EPHX1: variants seen among roughly 807,000 people sequenced by gnomAD.
EPHX1 encodes the protein epoxide hydratase.
In EPHX1, 40 loss-of-function variants were observed where a neutral mutation model predicts 43.2. That is an observed-to-expected ratio of 0.93 (90% CI 0.72 to 1.21). The LOEUF (loss-of-function observed/expected upper bound fraction) is 1.21. Ranked by LOEUF, EPHX1 falls within the 50% of genes most tolerant of loss-of-function variation. The probability of loss-of-function intolerance (pLI) is 0.00; values close to 1 mark genes in which losing one functional copy is unlikely to be tolerated. For synonymous variants in EPHX1, 221 were observed against 226.7 expected (o/e 0.98, Z 0.22); for missense variants, 550 against 570.4 (o/e 0.96, Z 0.36).
chr1:225,838,633 G>A (rs766886087), intron 3 of EPHX1, 21 bp from the exon 4 acceptor site: 2 of 1,607,802 alleles, frequency 1.2e-6, no homozygotes, highest in Non-Finnish European at 1.7e-6. Context: ...CCTCCACCCT[G>A]ACTGTGCTCT....
At chr1:225,834,133 G>GCCAC (rs1667821711) in intron 3 of EPHX1, among the ~76,000 whole-genome samples, 1 of 147,322 alleles carries the variant, frequency 6.8e-6, no homozygotes, top group Non-Finnish European at 1.5e-5. Context: ...AAAGCCGGGT[G>GCCAC]CGGTGGCTCA....
At chr1:225,823,772 T>C (rs1357608632) in intron 1 of EPHX1, among the ~76,000 whole-genome samples, 4 of 147,356 alleles carry the variant, frequency 2.7e-5, no homozygotes, top group Non-Finnish European at 6.1e-5. Context: ...TGAGCAGTCC[T>C]TCTCACTCTG....
Position 225,839,979 on chromosome 1 carries a change from C to G in EPHX1, c.873C>G (p.Tyr291Ter). ...LLYPVKEKVFYSLMRESGYMH... is the reference protein window; with the variant it reads ...LLYPVKEKVF Reference sequence around the variant, plus strand: ...ACCCCGTCAAGGAGAAGGTATTCTACAGCCTGATGAGGGAGAGCGGCTACA... The same window carrying G: ...ACCCCGTCAAGGAGAAGGTATTCTAGAGCCTGATGAGGGAGAGCGGCTACA... Residue 291 changes from tyrosine to a stop codon, truncating the protein, a stop_gained, in exon 6 of 9, where the codon TAC becomes TAG. Transcript: ENST00000272167. LOFTEE classifies it high-confidence loss of function. The G allele has an allele frequency of 6.2e-7, 1 of 1,614,210 alleles. No homozygotes were observed. The highest frequency in any genetic ancestry group is 2.2e-5 in the East Asian group (1 of 44,880).
intron 2 of EPHX1, among the ~76,000 whole-genome samples, chr1:225,829,211 C>G (rs1457664344): frequency 1.3e-5 from 2 of 152,172 alleles, no homozygotes; most frequent in Non-Finnish European, 2.9e-5. Flanking sequence ...ATCACCTCCT[C>G]TATGCCCTGC....
In EPHX1 at chr1:225,831,560, GAAA is replaced by G. The variant is rs757569759; in HGVS notation, c.184-215_184-213del. Among the ~76,000 whole-genome samples the G allele has an allele frequency of 1.9e-4, 14 of 75,474 alleles. No homozygotes were observed. In the East Asian group the frequency reaches 2.8e-3, roughly 15 times the overall value. 49.5% of individuals were successfully genotyped at this position (75,474 alleles called of 152,430 possible). On this transcript the variant is annotated intron_variant, in intron 2 of 8. Transcript: ENST00000272167. ...AGACCCTATCTCAAAAAAAAAAAAA[GAAA>G]AAAGAAAAAAGAAATGCGAAGTCTA...
At chr1:225,832,250 T>C (rs906736900) in intron 3 of EPHX1, 4 of 412,996 alleles carry the variant, frequency 9.7e-6, no homozygotes, top group Admixed American at 3.5e-5. Flanking sequence ...AGATGAGATT[T>C]AGACCCAGGC....
At chr1:225,822,417 G>A (rs564149377) in intron 1 of EPHX1, among the ~76,000 whole-genome samples, 54 of 152,302 alleles carry the variant, frequency 3.5e-4, no homozygotes, top group East Asian at 1.5e-3. Context: ...CTGGAAAAGT[G>A]CATTACAAAA....
In EPHX1 at chr1:225,845,375, T is replaced by A; in HGVS notation, c.*28T>A. On this transcript the variant is annotated 3_prime_UTR_variant, in exon 9 of 9. Transcript: ENST00000272167. The stretch of plus-strand genomic sequence containing the variant: ...CACCCCTCTCCCCCCGCCTGCCACC[T>A]CCCCCCACAAGTGCCCTCCAGGCTT... 1 of 1,412,992 alleles carries A rather than the reference T, an allele frequency of 7.1e-7. No homozygotes were observed. Among genetic ancestry groups the A allele is most frequent in the South Asian group, 1.2e-5 (1 of 81,386 alleles). The allele number at this position is 1,412,992 out of a possible 1,614,324, so 87.5% of individuals were successfully genotyped here.
chr1:225,815,899 C>T (rs1011961090), intron 1 of EPHX1, among the ~76,000 whole-genome samples: 9 of 152,150 alleles, frequency 5.9e-5, no homozygotes, highest in African/African-American at 2.2e-4. Context: ...GGGGGAGGTG[C>T]AGAGTGTGGT....
chr1:225,829,480 A>G lies in EPHX1; in HGVS notation c.183+568A>G, dbSNP rs145905306. ...AACATGCGGAAGGATTTGAAGTCCA[A>G]TCTAATCCTGAAGCTGCTGCCCCTC... On this transcript the variant is annotated intron_variant, in intron 2 of 8. Transcript: ENST00000272167. 2.0e-5 allele frequency among the ~76,000 whole-genome samples: 3 copies of G among 152,260 alleles called. No individual in the cohort carries two copies. The East Asian group carries it at 5.8e-4, about 29-fold the overall frequency.
At chr1:225,837,934 G>A (rs1278162258) in intron 3 of EPHX1, among the ~76,000 whole-genome samples, 1 of 152,206 alleles carries the variant, frequency 6.6e-6, no homozygotes, top group Admixed American at 6.5e-5. Flanking sequence ...AGAAAAATTG[G>A]AAAGTACATA....
intron 1 of EPHX1, among the ~76,000 whole-genome samples, chr1:225,814,747 T>C (rs10915881): frequency 0.15 from 22,413 of 152,220 alleles, 1,841 homozygotes; most frequent in Middle Eastern, 0.24. Flanking sequence ...CTCTGGCAAC[T>C]CAGCCTGGGA....
chr1:225,825,686 C>T (rs760533808), intron 1 of EPHX1: 2 of 152,240 alleles, frequency 1.3e-5, no homozygotes, highest in Non-Finnish European at 2.9e-5. Context: ...TGGAGCTCTT[C>T]GCTGTGCTGG....
At chr1:225,810,271 G>A (rs12744609) in intron 1 of EPHX1, 102 bp downstream of exon 1, 90,298 of 151,100 alleles carry the variant, frequency 0.6, 28,163 homozygotes, top group East Asian at 0.79. Flanking sequence ...CCGGGGCGCC[G>A]AGGGGTCGGG....
intron 1 of EPHX1, among the ~76,000 whole-genome samples, chr1:225,823,153 G>C (rs1044709221): frequency 6.6e-6 from 1 of 151,834 alleles, no homozygotes; most frequent in African/African-American, 2.4e-5. Flanking sequence ...GTGGAGCCGA[G>C]ATTTGAACGA....
intron 1 of EPHX1, among the ~76,000 whole-genome samples, chr1:225,815,286 T>G (rs569446971): frequency 7.3e-6 from 1 of 136,450 alleles, no homozygotes; most frequent in African/African-American, 2.6e-5. Context: ...GGCTCTGTTG[T>G]CCAGGCTGGA....
intron 8 of EPHX1, 139 bp from the exon 9 acceptor site, chr1:225,845,007 C>T (rs1668820151): frequency 2.1e-6 from 2 of 961,254 alleles, no homozygotes; most frequent in African/African-American, 3.2e-5. Context: ...CGGTTGAGAC[C>T]CTGGATTTGT....
In EPHX1 at chr1:225,844,451, A is replaced by G. The variant is rs377503706; in HGVS notation, c.1041-47A>G. 6 of 1,600,964 alleles carry G rather than the reference A, an allele frequency of 3.7e-6. No individual in the cohort carries two copies. The African/African-American group carries it at 8.1e-5, about 22-fold the overall frequency. The stretch of plus-strand genomic sequence containing the variant: ...ACTTTCTGGCTGCCCTTTGTCACAC[A>G]ACTGCATGTGGCACTGAGAGTGGGG... On this transcript the variant is annotated intron_variant, in intron 7 of 8. Coordinates refer to ENST00000272167, the MANE Select transcript of EPHX1 (RefSeq NM_001136018.4).
intron 2 of EPHX1, among the ~76,000 whole-genome samples, chr1:225,829,229 C>T (rs1372939365): frequency 1.3e-5 from 2 of 152,154 alleles, no homozygotes; most frequent in African/African-American, 4.8e-5. Flanking sequence ...TGCCTGAAGC[C>T]TTGGGAGTGA....
Sources: gnomAD v4.1 joint callset for allele counts (sites outside exome capture counted in the v4.1 genomes callset) on GRCh38, gnomAD v4.1.1 for gene constraint, MANE v1.5 for transcripts, NCBI Gene and HGNC (gene_info 2026-07-23, HGNC 2026-07-21) for gene names.